Variants in PXDNL observed in about 807,000 individuals in gnomAD.
PXDNL encodes the protein probable oxidoreductase PXDNL.
A neutral mutation model predicts 150.8 loss-of-function variants in PXDNL; 145 were observed. The observed-to-expected ratio is 0.96, with a 90% CI of 0.84 to 1.10. The LOEUF (loss-of-function observed/expected upper bound fraction) is 1.10, where lower values mean the gene tolerates loss of function less well. Ranked by LOEUF, PXDNL falls within the 50% of genes least tolerant of loss-of-function variation. The pLI is 0.00. For synonymous variants in PXDNL, 757 were observed against 725.7 expected (o/e 1.04, Z -0.69); for missense variants, 2,087 against 1,873.9 (o/e 1.11, Z -2.10).
chr8:51,423,808 G>T (rs1303453783), intron 13 of PXDNL, 77 bp from the exon 14 acceptor site: 9 of 1,374,170 alleles, frequency 6.5e-6, no homozygotes, highest in African/African-American at 1.5e-5. Flanking sequence ...TAAAATGTGG[G>T]TTCATTTATT....
intron 2 of PXDNL, among the ~76,000 whole-genome samples, chr8:51,596,076 A>C (rs1813558817): frequency 6.6e-6 from 1 of 151,968 alleles, no homozygotes; most frequent in African/African-American, 2.4e-5. Context: ...AGTAATCCCC[A>C]GTGTCTATTG....
At chr8:51,783,824 C>T (rs1031235564) in intron 1 of PXDNL, among the ~76,000 whole-genome samples, 4 of 152,064 alleles carry the variant, frequency 2.6e-5, no homozygotes, top group African/African-American at 9.7e-5. Flanking sequence ...ATATGTTTAG[C>T]GAGCCTTAGA....
intron 1 of PXDNL, among the ~76,000 whole-genome samples, chr8:51,696,333 C>G (rs1816123881): frequency 6.6e-6 from 1 of 152,218 alleles, no homozygotes; most frequent in African/African-American, 2.4e-5. Flanking sequence ...AGGCCCAGAT[C>G]TCTTGCTCTG....
intron 21 of PXDNL, 185 bp from the exon 22 acceptor site, chr8:51,321,082 C>A (rs564316065): frequency 3.6e-6 from 2 of 553,272 alleles, no homozygotes; most frequent in South Asian, 4.9e-5. Context: ...CATCCAGTAT[C>A]CAAACAAATA....
intron 19 of PXDNL, among the ~76,000 whole-genome samples, chr8:51,347,655 TA>T (rs1433711410): frequency 6.6e-6 from 1 of 152,170 alleles, no homozygotes; most frequent in African/African-American, 2.4e-5. Context: ...CATAATTGGA[TA>T]AAAAATTTCT....
chr8:51,406,765 C>G (rs764411168), intron 17 of PXDNL, among the ~76,000 whole-genome samples: 1 of 152,224 alleles, frequency 6.6e-6, no homozygotes, highest in Non-Finnish European at 1.5e-5. Context: ...CCTTTCCACA[C>G]TGGTCACAGC....
At chr8:51,791,835 AT>A (rs1486960915) in intron 1 of PXDNL, among the ~76,000 whole-genome samples, 2 of 152,108 alleles carry the variant, frequency 1.3e-5, no homozygotes, top group South Asian at 2.1e-4. Flanking sequence ...TGAAAGTTAG[AT>A]TTTTTTGTAT....
intron 1 of PXDNL, among the ~76,000 whole-genome samples, chr8:51,747,923 A>G (rs1289724705): frequency 1.3e-5 from 2 of 152,170 alleles, no homozygotes; most frequent in African/African-American, 2.4e-5. Flanking sequence ...GCCTTCACAC[A>G]CAAGCTGGCA....
chr8:51,712,921 T>C (rs531495950), intron 1 of PXDNL, among the ~76,000 whole-genome samples: 47 of 152,342 alleles, frequency 3.1e-4, no homozygotes, highest in Non-Finnish European at 5.4e-4. Context: ...TAAACATTAC[T>C]TCTCATTATG....
At chr8:51,464,856 TA>T (rs1415877927) in intron 8 of PXDNL, among the ~76,000 whole-genome samples, 1 of 152,074 alleles carries the variant, frequency 6.6e-6, no homozygotes, top group Non-Finnish European at 1.5e-5. Context: ...TCCCAGAACT[TA>T]AAGTATAATA....
intron 12 of PXDNL, chr8:51,436,498 C>A: frequency 3.0e-6 from 1 of 338,212 alleles, no homozygotes; most frequent in Non-Finnish European, 6.0e-6. Flanking sequence ...GATCCTTCTT[C>A]CATGTGATCC....
chr8:51,680,021 T>C (rs184776982), intron 1 of PXDNL, among the ~76,000 whole-genome samples: 29 of 152,384 alleles, frequency 1.9e-4, no homozygotes, highest in Non-Finnish European at 3.2e-4. Flanking sequence ...CACAGGCTAC[T>C]TCTATTCCTA....
intron 3 of PXDNL, among the ~76,000 whole-genome samples, chr8:51,558,276 A>G (rs1297449470): frequency 8.5e-5 from 13 of 152,092 alleles, no homozygotes; most frequent in Admixed American, 5.3e-4. Context: ...TCCAGGGTAC[A>G]GACTAGACAT....
At chr8:51,634,526 G>A (rs753177826) in intron 2 of PXDNL, among the ~76,000 whole-genome samples, 6 of 152,114 alleles carry the variant, frequency 3.9e-5, no homozygotes, top group African/African-American at 4.8e-5. Context: ...AATGACATCC[G>A]TAGTTTGATA....
chr8:51,408,795 C>G lies in PXDNL; in HGVS notation c.2829G>C (p.Glu943Asp), dbSNP rs147566293. 7 of 1,571,568 alleles carry G rather than the reference C, an allele frequency of 4.5e-6. No homozygotes were observed. Among genetic ancestry groups the G allele is most frequent in the Non-Finnish European group, 6.0e-6 (7 of 1,159,576 alleles). ...GGCTCTCCTGCTCCTGTCGCGCGCA[C>G]TCGGTGGGTGGGCCTGTAGAAAAGG... The part of the protein sequence containing the change: ...LLPFSTGPPT[E>D]CARQEQESPC... The change falls in exon 17 of 23, where the codon GAG becomes GAC. Residue 943 changes from glutamate (E) to aspartate (D), a missense_variant. Physicochemically the swap from Glu to Asp is conservative, Grantham distance 45 (BLOSUM62 2). Coordinates refer to ENST00000356297, the MANE Select transcript of PXDNL (RefSeq NM_144651.5).
intron 4 of PXDNL, among the ~76,000 whole-genome samples, chr8:51,536,779 C>T (rs6984579): frequency 0.024 from 3,721 of 152,190 alleles, 144 homozygotes; most frequent in African/African-American, 0.085. Context: ...GTCTGGTCCC[C>T]AACAGTTTTC....
At chr8:51,564,240 C>G (rs934496945) in intron 3 of PXDNL, among the ~76,000 whole-genome samples, 5 of 151,990 alleles carry the variant, frequency 3.3e-5, no homozygotes, top group African/African-American at 1.2e-4. Flanking sequence ...CACTCAAAGT[C>G]TAACGGGATT....
intron 19 of PXDNL, among the ~76,000 whole-genome samples, chr8:51,368,055 G>A (rs1161577687): frequency 6.6e-6 from 1 of 152,186 alleles, no homozygotes; most frequent in Non-Finnish European, 1.5e-5. Flanking sequence ...TTGAACCCGG[G>A]AGGGAGAGGT....
At chr8:51,775,603 C>T (rs986778296) in intron 1 of PXDNL, among the ~76,000 whole-genome samples, 3 of 152,216 alleles carry the variant, frequency 2.0e-5, no homozygotes, top group Admixed American at 6.5e-5. Context: ...TTACTGCAAT[C>T]TCTGAACATA....
Sources: gnomAD v4.1 joint callset for allele counts (sites outside exome capture counted in the v4.1 genomes callset) on GRCh38, gnomAD v4.1.1 for gene constraint, MANE v1.5 for transcripts, NCBI Gene and HGNC (gene_info 2026-07-23, HGNC 2026-07-21) for gene names.